Variants in PRKN observed in about 807,000 individuals in gnomAD.
The protein encoded by PRKN is E3 ubiquitin-protein ligase parkin.
PRKN carries 56 observed loss-of-function variants against 59.5 expected under a neutral mutation model. The observed-to-expected ratio is 0.94, with a 90% CI of 0.76 to 1.18. The LOEUF (loss-of-function observed/expected upper bound fraction) is 1.18. Among genes scored for constraint, PRKN ranks in the 50% most tolerant of loss-of-function variants. PRKN has a pLI of 0.00. For synonymous variants in PRKN, 250 were observed against 222.1 expected (o/e 1.13, Z -1.12); for missense variants, 657 against 596.4 (o/e 1.10, Z -1.06).
intron 11 of PRKN, among the ~76,000 whole-genome samples, chr6:161,350,676 AT>A (rs1246936095): frequency 1.5e-5 from 1 of 65,172 alleles, no homozygotes; most frequent in African/African-American, 7.3e-5. Context: ...TATATTTAAA[AT>A]ATATATATTT....
chr6:161,647,751 T>C (rs1314689118), intron 7 of PRKN, among the ~76,000 whole-genome samples: 2 of 152,226 alleles, frequency 1.3e-5, no homozygotes, highest in Non-Finnish European at 2.9e-5. Flanking sequence ...AATTTTGTTT[T>C]ATTGAGTTTC....
chr6:162,461,209 A>G (rs970583971), intron 1 of PRKN, among the ~76,000 whole-genome samples: 3 of 150,560 alleles, frequency 2.0e-5, no homozygotes, highest in Non-Finnish European at 4.4e-5. Context: ...GAATGAAGAG[A>G]AAAAAAAGGA....
chr6:161,963,830 C>T (rs748767246), intron 6 of PRKN, among the ~76,000 whole-genome samples: 3 of 152,188 alleles, frequency 2.0e-5, no homozygotes, highest in Non-Finnish European at 2.9e-5. Flanking sequence ...GTGCTGGCCA[C>T]GGTAGGGAGG....
chr6:162,647,056 A>G (rs73597960), intron 1 of PRKN, among the ~76,000 whole-genome samples: 4,116 of 152,260 alleles, frequency 0.027, 191 homozygotes, highest in African/African-American at 0.093. Flanking sequence ...AACCATACAT[A>G]AAGATACAAA....
At chr6:162,304,977 A>G (rs1431126906) in intron 2 of PRKN, among the ~76,000 whole-genome samples, 1 of 152,188 alleles carries the variant, frequency 6.6e-6, no homozygotes, top group Non-Finnish European at 1.5e-5. Flanking sequence ...CAACCCATCT[A>G]TAGGTCACAT....
At chr6:161,674,749 C>A (rs1196376139) in intron 7 of PRKN, among the ~76,000 whole-genome samples, 1 of 152,170 alleles carries the variant, frequency 6.6e-6, no homozygotes, top group Non-Finnish European at 1.5e-5. Context: ...TCTGTGACAT[C>A]TCAGCTCTGA....
intron 5 of PRKN, among the ~76,000 whole-genome samples, chr6:162,030,311 G>A (rs1161663092): frequency 2.6e-5 from 4 of 152,142 alleles, no homozygotes; most frequent in Non-Finnish European, 4.4e-5. Flanking sequence ...CATCTCCACT[G>A]ATGAAATCAC....
At chr6:161,883,509 GT>G (rs1273319192) in intron 6 of PRKN, among the ~76,000 whole-genome samples, 6 of 151,340 alleles carry the variant, frequency 4.0e-5, no homozygotes, top group African/African-American at 7.3e-5. Context: ...GGAAGGGAAG[GT>G]GGGGAGGGGA....
rs142745825 is a variant in PRKN at position 162,094,637 on chromosome 6, AT to A, written c.535-40464del. Among the ~76,000 whole-genome samples, 910 of 152,268 alleles carry A rather than the reference AT, an allele frequency of 6.0e-3. 6 individuals carry two copies. The highest frequency in any genetic ancestry group is 0.021 in the African/African-American group (853 of 41,538). On this transcript the variant is annotated intron_variant, in intron 4 of 11. Coordinates refer to ENST00000366898, the MANE Select transcript of PRKN (RefSeq NM_004562.3). ...TCATGTGACTGGAAAGACTATTCAT[AT>A]TCTTACCACAGCAAGATCTGAATTT...
chr6:162,455,508 C>G (rs1404152698), intron 1 of PRKN, among the ~76,000 whole-genome samples: 1 of 152,182 alleles, frequency 6.6e-6, no homozygotes, highest in Non-Finnish European at 1.5e-5. Context: ...GTGTTTGTGT[C>G]TCTAAGCATA....
chr6:162,668,325 T>C (rs1253585889), intron 1 of PRKN, among the ~76,000 whole-genome samples: 6 of 152,202 alleles, frequency 3.9e-5, no homozygotes, highest in Admixed American at 3.9e-4. Context: ...GTATCACATC[T>C]AGTAATAGTC....
rs35272845 is a variant in PRKN, at chr6:162,040,572, A to ATT, written c.618+13517_618+13518dup. On this transcript the variant is annotated intron_variant, in intron 5 of 11. Transcript: ENST00000366898. ...CAGGCGCCCACCACCATGCCCGGCT[A>ATT]TTTTTTTTTTTTTTTTTTTGTATTT... Among the ~76,000 whole-genome samples, 302 of 113,064 alleles carry ATT rather than the reference A, an allele frequency of 2.7e-3. 4 individuals carry two copies. Among genetic ancestry groups the ATT allele is most frequent in the East Asian group, 0.017 (63 of 3,814 alleles). The allele number at this position is 113,064 out of a possible 152,430, so 74.2% of individuals were successfully genotyped here.
intron 6 of PRKN, among the ~76,000 whole-genome samples, chr6:161,957,317 G>C (rs1025507105): frequency 2.0e-5 from 3 of 152,042 alleles, no homozygotes; most frequent in Non-Finnish European, 4.4e-5. Context: ...GTAGCTGAGG[G>C]TAAGGGTAAA....
chr6:161,789,414 G>T (rs1425278294), intron 6 of PRKN, among the ~76,000 whole-genome samples: 1 of 152,080 alleles, frequency 6.6e-6, no homozygotes, highest in East Asian at 1.9e-4. Context: ...CTCCAGCTGG[G>T]AAGGTCCTTG....
At position 162,451,452 on chromosome 6, in the gene PRKN, G is replaced by A. The variant is rs76999831; in HGVS notation, c.8-7979C>T. 2.3e-3 allele frequency among the ~76,000 whole-genome samples: 344 copies of A among 151,784 alleles called. 5 individuals carry two copies. The South Asian group carries it at 0.024, about 11-fold the overall frequency. On this transcript the variant is annotated intron_variant, in intron 1 of 11. Transcript: ENST00000366898. ...AGAAATTATAAAAAGGAATCAGGCC[G>A]GGCATGGTGGCTCACTCCTAGCAAT...
intron 2 of PRKN, among the ~76,000 whole-genome samples, chr6:162,346,291 C>T (rs1259438862): frequency 6.6e-6 from 1 of 152,004 alleles, no homozygotes; most frequent in Non-Finnish European, 1.5e-5. Flanking sequence ...GTATTTTCCA[C>T]AGTTTTTAAA....
At chr6:162,472,713 G>A (rs1203808900) in intron 1 of PRKN, among the ~76,000 whole-genome samples, 3 of 120,982 alleles carry the variant, frequency 2.5e-5, no homozygotes, top group African/African-American at 6.0e-5. Flanking sequence ...GGATGGTCTC[G>A]ATCTCCTGAC....
At chr6:162,035,265 G>A (rs1783796296) in intron 5 of PRKN, among the ~76,000 whole-genome samples, 1 of 152,158 alleles carries the variant, frequency 6.6e-6, no homozygotes, top group Non-Finnish European at 1.5e-5. Context: ...GAGGCACCAA[G>A]CCATTCACAA....
intron 1 of PRKN, among the ~76,000 whole-genome samples, chr6:162,547,596 T>C (rs1386168872): frequency 6.6e-6 from 1 of 152,112 alleles, no homozygotes. Context: ...ATATTATTTT[T>C]TGAGAAGGAG....
Sources: allele counts gnomAD v4.1 joint callset (sites outside exome capture counted in the v4.1 genomes callset), GRCh38; gene constraint gnomAD v4.1.1; transcripts MANE v1.5; gene names NCBI Gene and HGNC (gene_info 2026-07-23, HGNC 2026-07-21).